Variants in ELF2 observed in about 807,000 individuals in gnomAD.
The protein encoded by ELF2 is E74 like ETS transcription factor 2, also known as ETS-related transcription factor Elf-2.
A neutral mutation model predicts 54.8 loss-of-function variants in ELF2; 11 were observed. The observed-to-expected ratio is 0.20, with a 90% CI of 0.13 to 0.33. ELF2 has a LOEUF of 0.33. Among genes scored for constraint, ELF2 ranks in the 10% least tolerant of loss-of-function variants. ELF2 has a pLI of 1.00. For missense variants in ELF2, 513 were observed against 703.0 expected (o/e 0.73, Z 3.06); for synonymous variants, 203 against 245.1 (o/e 0.83, Z 1.61).
At chr4:139,159,848 G>A (rs1740926166) in intron 1 of ELF2, among the ~76,000 whole-genome samples, 1 of 151,662 alleles carries the variant, frequency 6.6e-6, no homozygotes, top group Non-Finnish European at 1.5e-5. Flanking sequence ...TGTGTAGTGA[G>A]GAATCCTCTT....
At chr4:139,175,304 T>C (rs1401891319) in intron 1 of ELF2, among the ~76,000 whole-genome samples, 1 of 152,254 alleles carries the variant, frequency 6.6e-6, no homozygotes, top group African/African-American at 2.4e-5. Flanking sequence ...TGAGTATTTA[T>C]GTCTGAAATG....
chr4:139,158,878 G>A (rs1044473182), intron 1 of ELF2, among the ~76,000 whole-genome samples: 20 of 152,198 alleles, frequency 1.3e-4, no homozygotes, highest in African/African-American at 4.6e-4. Flanking sequence ...GCTTGGTGAG[G>A]TGTGTTTTTA....
chr4:139,139,575 G>T, intron 1 of ELF2, 78 bp from the exon 2 acceptor site: 3 of 709,786 alleles, frequency 4.2e-6, no homozygotes, highest in South Asian at 7.3e-5. Flanking sequence ...ATGTGATTGA[G>T]ATAGTAAATA....
At chr4:139,150,102 G>A (rs1000282402) in intron 1 of ELF2, among the ~76,000 whole-genome samples, 1 of 152,116 alleles carries the variant, frequency 6.6e-6, no homozygotes, top group African/African-American at 2.4e-5. Context: ...TACTTTGGGA[G>A]GCCGAAGCAG....
At chr4:139,126,945 C>T (rs547911513) in intron 3 of ELF2, among the ~76,000 whole-genome samples, 1 of 152,236 alleles carries the variant, frequency 6.6e-6, no homozygotes, top group Non-Finnish European at 1.5e-5. Context: ...AGAGATTCCA[C>T]GATGCTAGCT....
chr4:139,122,410 T>G (rs1736456035), intron 4 of ELF2, among the ~76,000 whole-genome samples: 1 of 152,266 alleles, frequency 6.6e-6, no homozygotes, highest in South Asian at 2.1e-4. Context: ...CAATCTTTAT[T>G]CATTTGTATA....
At chr4:139,153,974 C>T (rs112077894) in intron 1 of ELF2, among the ~76,000 whole-genome samples, 81 of 152,298 alleles carry the variant, frequency 5.3e-4, no homozygotes, top group African/African-American at 1.8e-3. Flanking sequence ...CTACTGTCCC[C>T]TTTTTCCCCT....
At chr4:139,093,129 C>A (rs957228335) in intron 4 of ELF2, among the ~76,000 whole-genome samples, 15 of 151,906 alleles carry the variant, frequency 9.9e-5, no homozygotes, top group Non-Finnish European at 1.6e-4. Flanking sequence ...CCACGCCCGG[C>A]TAATTTTTTG....
At chr4:139,110,098 A>T (rs1290975257) in intron 4 of ELF2, among the ~76,000 whole-genome samples, 1 of 152,244 alleles carries the variant, frequency 6.6e-6, no homozygotes, top group East Asian at 1.9e-4. Context: ...TACTAGCCAT[A>T]TCAACTAATC....
chr4:139,115,247 C>T (rs558079358), intron 4 of ELF2: 4 of 1,609,450 alleles, frequency 2.5e-6, no homozygotes, highest in Admixed American at 3.3e-5. Flanking sequence ...TCGTCCGCGC[C>T]GCCCGGGCCC....
intron 7 of ELF2, among the ~76,000 whole-genome samples, chr4:139,063,913 T>A (rs1320417486): frequency 2.0e-5 from 3 of 152,106 alleles, no homozygotes; most frequent in Non-Finnish European, 4.4e-5. Flanking sequence ...TCTCCCTTAT[T>A]ATGGAGGAGA....
intron 6 of ELF2, among the ~76,000 whole-genome samples, chr4:139,070,303 T>TG (rs1295917488): frequency 6.6e-6 from 1 of 152,002 alleles, no homozygotes; most frequent in African/African-American, 2.4e-5. Context: ...TGGTGTTTTT[T>TG]TTTTTGAGAC....
In ELF2 at chr4:139,154,332, G is replaced by A. The variant is rs1399466414; in HGVS notation, c.-251-14835C>T. On this transcript the variant is annotated intron_variant, in intron 1 of 9. Transcript: ENST00000686138. ...AGATAGTATAAAACAACTCTGAGAA[G>A]TAGACGTATCTAGTTCTTTTCATTC... Among the ~76,000 whole-genome samples the A allele has an allele frequency of 3.3e-5, 5 of 152,224 alleles. No homozygotes were observed. The South Asian group carries it at 8.3e-4, about 25-fold the overall frequency.
chr4:139,171,939 T>A (rs917530583), intron 1 of ELF2, among the ~76,000 whole-genome samples: 9 of 152,128 alleles, frequency 5.9e-5, no homozygotes, highest in African/African-American at 1.9e-4. Flanking sequence ...TTCATATCCA[T>A]TAGAACAGCT....
chr4:139,162,332 G>A (rs1261275688), intron 1 of ELF2, among the ~76,000 whole-genome samples: 1 of 152,080 alleles, frequency 6.6e-6, no homozygotes, highest in Non-Finnish European at 1.5e-5. Flanking sequence ...GCCAGTTTGA[G>A]ACCAGCCTGG....
chr4:139,059,311 T>G lies in ELF2; in HGVS notation c.1454A>C (p.Asn485Thr). 1.9e-6 allele frequency: 3 copies of G among 1,613,990 alleles called. No individual in the cohort carries two copies. The highest frequency in any genetic ancestry group is 2.5e-6 in the Non-Finnish European group (3 of 1,179,872). Residue 485 changes from asparagine to threonine, a missense_variant, in exon 10 of 10, where the codon AAC (asparagine) becomes ACC (threonine). Asn to Thr is a moderately conservative substitution (Grantham distance 65). Coordinates refer to ENST00000686138, the MANE Select transcript of ELF2 (RefSeq NM_001331036.3). ...CACAGCCAATGGGGTTCCAACAATG[T>G]TAATGCTTCCTGATCCAGTCAGATT... ...KSNLTGSGSI[N>T]IVGTPLAVRA...
chr4:139,165,780 G>GAT (rs1322336957), intron 1 of ELF2, among the ~76,000 whole-genome samples: 1 of 152,188 alleles, frequency 6.6e-6, no homozygotes, highest in Non-Finnish European at 1.5e-5. Context: ...AATCAGGCTT[G>GAT]ATATGCTGAA....
At chr4:139,094,183 G>A (rs868561587) in intron 4 of ELF2, among the ~76,000 whole-genome samples, 10 of 152,260 alleles carry the variant, frequency 6.6e-5, no homozygotes, top group South Asian at 2.1e-4. Context: ...ACAGGCGTGA[G>A]CCACCACGCC....
chr4:139,073,595 T>C (rs202196923), intron 4 of ELF2, 28 bp from the exon 5 acceptor site: 2 of 1,371,844 alleles, frequency 1.5e-6, no homozygotes, highest in Admixed American at 4.2e-5. Flanking sequence ...TCTACTCAAT[T>C]AAAAATACAC....
Sources: allele counts gnomAD v4.1 joint callset (sites outside exome capture counted in the v4.1 genomes callset), GRCh38; gene constraint gnomAD v4.1.1; transcripts MANE v1.5; gene names NCBI Gene and HGNC (gene_info 2026-07-23, HGNC 2026-07-21).